The following UNC13C variants were observed in gnomAD, a reference collection of about 807,000 sequenced individuals.
UNC13C encodes unc-13 homolog C, also known as protein unc-13 homolog C.
A neutral mutation model predicts 245.4 loss-of-function variants in UNC13C; 174 were observed. The ratio of observed to expected loss-of-function variants is 0.71; its 90% CI spans 0.63 to 0.80. The LOEUF (loss-of-function observed/expected upper bound fraction) is 0.80, where lower values mean the gene tolerates loss of function less well. UNC13C is among the 30% of genes least tolerant of loss of function. UNC13C has a pLI of 0.00. For synonymous variants in UNC13C, 992 were observed against 895.1 expected (o/e 1.11, Z -1.93); for missense variants, 2,829 against 2,602.9 (o/e 1.09, Z -1.89).
At chr15:53,897,133 A>G in the UNC13C span, among the ~76,000 whole-genome samples, 5 of 152,124 alleles carry the variant, frequency 3.3e-5, no homozygotes, top group Admixed American at 6.5e-5. Flanking sequence ...TTTATTTACT[A>G]TTTGTCTTCT....
At chr15:54,568,870 G>A (rs563640105) in intron 30 of UNC13C, among the ~76,000 whole-genome samples, 1 of 152,152 alleles carries the variant, frequency 6.6e-6, no homozygotes, top group African/African-American at 2.4e-5. Context: ...AGCTAAATGT[G>A]CTAGGTAGGT....
intron 1 of UNC13C, among the ~76,000 whole-genome samples, chr15:54,002,936 C>A (rs1237334249): frequency 6.6e-6 from 1 of 152,148 alleles, no homozygotes; most frequent in Non-Finnish European, 1.5e-5. Context: ...GGGTAGGAGG[C>A]CTGCGTTTTT....
At chr15:54,025,808 C>T (rs910666092) in intron 2 of UNC13C, among the ~76,000 whole-genome samples, 1 of 152,184 alleles carries the variant, frequency 6.6e-6, no homozygotes, top group African/African-American at 2.4e-5. Context: ...TTACAGGCAA[C>T]ATGATTATTC....
intron 17 of UNC13C, among the ~76,000 whole-genome samples, chr15:54,383,866 A>C (rs1378353296): frequency 1.3e-5 from 2 of 152,132 alleles, no homozygotes; most frequent in African/African-American, 4.8e-5. Context: ...TCTATCCACC[A>C]ATAATGGCAT....
chr15:54,342,542 C>A (rs1389683847), intron 17 of UNC13C, among the ~76,000 whole-genome samples: 1 of 150,244 alleles, frequency 6.7e-6, no homozygotes, highest in Non-Finnish European at 1.5e-5. Flanking sequence ...GCCTTGGTGA[C>A]ACAGCAAGAC....
the UNC13C span, among the ~76,000 whole-genome samples, chr15:53,880,150 G>A: frequency 2.0e-5 from 3 of 152,084 alleles, no homozygotes; most frequent in Non-Finnish European, 4.4e-5. Context: ...TAGGAAGAAC[G>A]AGGCTGGGAT....
intron 19 of UNC13C, among the ~76,000 whole-genome samples, chr15:54,427,190 A>G (rs2040776235): frequency 6.6e-6 from 1 of 151,780 alleles, no homozygotes. Context: ...CTCAACTCGA[A>G]TTGTGTCTCC....
the UNC13C span, among the ~76,000 whole-genome samples, chr15:53,880,803 C>T: frequency 2.0e-5 from 3 of 151,042 alleles, no homozygotes; most frequent in African/African-American, 7.3e-5. Context: ...GCAATTATTG[C>T]TTACTGCCCC....
chr15:54,276,784 C>T (rs867243173), intron 10 of UNC13C, among the ~76,000 whole-genome samples: 35 of 152,018 alleles, frequency 2.3e-4, no homozygotes, highest in African/African-American at 5.3e-4. Context: ...ATTAGTCTTA[C>T]GACATTTGAG....
At chr15:54,408,323 A>G (rs1408178556) in intron 18 of UNC13C, among the ~76,000 whole-genome samples, 1 of 151,760 alleles carries the variant, frequency 6.6e-6, no homozygotes, top group Non-Finnish European at 1.5e-5. Flanking sequence ...TACTAAGTCT[A>G]AAATGAACGT....
chr15:54,192,321 G>A (rs2034212550), intron 4 of UNC13C, among the ~76,000 whole-genome samples: 1 of 151,816 alleles, frequency 6.6e-6, no homozygotes, highest in Non-Finnish European at 1.5e-5. Flanking sequence ...TCCTATTGTT[G>A]TTGTTGTTCT....
At chr15:53,854,083 G>T in the UNC13C span, among the ~76,000 whole-genome samples, 1 of 149,798 alleles carries the variant, frequency 6.7e-6, no homozygotes, top group South Asian at 2.1e-4. Context: ...CCTATTTCCT[G>T]AATTGTATTG....
chr15:54,342,919 A>G (rs1387840156), intron 17 of UNC13C, among the ~76,000 whole-genome samples: 1 of 152,154 alleles, frequency 6.6e-6, no homozygotes, highest in Admixed American at 6.5e-5. Context: ...CTTAGTTTTA[A>G]AACTTGGTCC....
In UNC13C at chr15:54,599,375, C is replaced by G. The variant is rs536715328; in HGVS notation, c.6107-22952C>G. On this transcript the variant is annotated intron_variant, in intron 30 of 32. Transcript: ENST00000260323. ...TGAACAATTTCTTCTGCATTTGATGCCTTTTTGCTTTCTTTTCCTTTGAGT... is the reference window on the plus strand; with the variant it reads ...TGAACAATTTCTTCTGCATTTGATGGCTTTTTGCTTTCTTTTCCTTTGAGT... 2.6e-5 allele frequency among the ~76,000 whole-genome samples: 4 copies of G among 152,064 alleles called. 1 individual carries two copies. Among genetic ancestry groups the G allele is most frequent in the Non-Finnish European group, 5.9e-5 (4 of 67,972 alleles).
Position 54,627,206 on chromosome 15 carries a change from A to ATGTT in UNC13C, c.*96_*99dup. The ATGTT allele has an allele frequency of 3.8e-6, 5 of 1,299,852 alleles. No individual in the cohort carries two copies. In the South Asian group the frequency reaches 6.1e-5, roughly 16 times the overall value. 80.5% of individuals were successfully genotyped at this position (1,299,852 alleles called of 1,614,324 possible). The stretch of plus-strand genomic sequence containing the variant: ...GGAATGTTTAGTTCACTACATTTCA[A>ATGTT]TGTTTGCCAGTACTCATGTACGATG... On this transcript the variant is annotated 3_prime_UTR_variant, in exon 33 of 33. Coordinates refer to ENST00000260323, the MANE Select transcript of UNC13C (RefSeq NM_001080534.3).
intron 19 of UNC13C, among the ~76,000 whole-genome samples, chr15:54,464,296 T>C (rs763477893): frequency 1.3e-5 from 2 of 152,190 alleles, no homozygotes; most frequent in Non-Finnish European, 2.9e-5. Flanking sequence ...TGTCAGTTTT[T>C]CTGCCAGCAT....
intron 7 of UNC13C, among the ~76,000 whole-genome samples, chr15:54,249,354 G>T (rs1247760721): frequency 6.6e-6 from 1 of 152,048 alleles, no homozygotes; most frequent in Non-Finnish European, 1.5e-5. Flanking sequence ...ACCATTTTAA[G>T]CAGAGCAGAG....
intron 4 of UNC13C, among the ~76,000 whole-genome samples, chr15:54,204,234 C>T (rs552170721): frequency 1.4e-5 from 2 of 140,986 alleles, no homozygotes; most frequent in South Asian, 2.3e-4. Context: ...TCAGAAATCA[C>T]GAAAGAACTT....
chr15:53,866,057 A>G, the UNC13C span, among the ~76,000 whole-genome samples: 1 of 152,196 alleles, frequency 6.6e-6, no homozygotes, highest in Non-Finnish European at 1.5e-5. Context: ...TAAACTTCTA[A>G]AAACTCAGAT....
Sources: gnomAD v4.1 joint callset for allele counts (sites outside exome capture counted in the v4.1 genomes callset) on GRCh38, gnomAD v4.1.1 for gene constraint, MANE v1.5 for transcripts, NCBI Gene and HGNC (gene_info 2026-07-23, HGNC 2026-07-21) for gene names.